Variants in SHISA9 observed in about 807,000 individuals in gnomAD.
The protein encoded by SHISA9 is protein shisa-9.
SHISA9 carries 13 observed loss-of-function variants against 38.0 expected under a neutral mutation model. The observed-to-expected ratio is 0.34, with a 90% CI of 0.22 to 0.54. The LOEUF (loss-of-function observed/expected upper bound fraction) is 0.54, where lower values mean the gene tolerates loss of function less well. SHISA9 is among the 20% of genes least tolerant of loss of function. SHISA9 has a pLI of 0.91. For missense variants in SHISA9, 538 were observed against 575.8 expected, an observed-to-expected ratio of 0.93 and a Z score of 0.67; for synonymous variants, 275 against 242.0, an observed-to-expected ratio of 1.14 and a Z score of -1.27.
At chr16:13,265,134 T>C in the SHISA9 span, among the ~76,000 whole-genome samples, 1 of 85,896 alleles carries the variant, frequency 1.2e-5, no homozygotes, top group African/African-American at 4.6e-5. Context: ...TCCCCTCCCC[T>C]TCCCTTCCCC....
intron 4 of SHISA9, among the ~76,000 whole-genome samples, chr16:13,228,344 T>C (rs995897016): frequency 2.0e-5 from 3 of 152,206 alleles, no homozygotes; most frequent in Admixed American, 1.3e-4. Context: ...AATGGGATTT[T>C]CCCCCCATCT....
chr16:13,479,124 C>T, the SHISA9 span, among the ~76,000 whole-genome samples: 28 of 152,090 alleles, frequency 1.8e-4, no homozygotes, highest in African/African-American at 6.8e-4. Flanking sequence ...GCTTATATTC[C>T]TCGGCTTATG....
intron 2 of SHISA9, among the ~76,000 whole-genome samples, chr16:13,139,458 TTC>T (rs1233098053): frequency 7.4e-6 from 1 of 134,822 alleles, no homozygotes; most frequent in Non-Finnish European, 1.6e-5. Context: ...CTCTCCCTCT[TTC>T]TCTCTCTCTC....
chr16:12,944,884 G>C (rs1297958498), intron 2 of SHISA9, among the ~76,000 whole-genome samples: 1 of 152,176 alleles, frequency 6.6e-6, no homozygotes, highest in Non-Finnish European at 1.5e-5. Context: ...AGGAAACACT[G>C]TTAGGTGAGC....
intron 2 of SHISA9, among the ~76,000 whole-genome samples, chr16:13,140,775 A>T (rs169442): frequency 0.34 from 51,825 of 152,010 alleles, 9,896 homozygotes; most frequent in African/African-American, 0.53. Context: ...GGAGGGTTTG[A>T]GGGGTCAGGA....
intron 2 of SHISA9, among the ~76,000 whole-genome samples, chr16:12,976,700 A>C (rs1192878754): frequency 6.6e-6 from 1 of 151,998 alleles, no homozygotes; most frequent in Non-Finnish European, 1.5e-5. Context: ...GCAGGGGGTA[A>C]GTAAGTAACA....
At position 13,203,500 on chromosome 16, in the gene SHISA9, G is replaced by T; in HGVS notation, c.798G>T (p.Gln266His). ...NLGQISNPYE[Q>H]QPPGKELNKY... is the part of the protein sequence containing the mutation. ...GCCAGATCTCCAACCCCTATGAACA[G>T]CAGCCACCAGGAAAAGAGCTCAACA... The change falls in exon 3 of 5, where the codon CAG becomes CAT. Residue 266 changes from glutamine (Q) to histidine (H), a missense_variant. Gln to His is a conservative substitution (Grantham distance 24). This residue lies in a region of SHISA9 where 326 missense variants were observed against 305.9 expected (regional missense o/e 1.07). Coordinates refer to ENST00000558583, the MANE Select transcript of SHISA9 (RefSeq NM_001145204.3). 1 of 1,548,096 alleles carries T rather than the reference G, an allele frequency of 6.5e-7. No individual in the cohort carries two copies. Among genetic ancestry groups the T allele is most frequent in the South Asian group, 1.2e-5 (1 of 83,598 alleles).
intron 2 of SHISA9, among the ~76,000 whole-genome samples, chr16:13,030,736 T>G (rs1335815918): frequency 3.3e-5 from 5 of 152,220 alleles, no homozygotes; most frequent in Non-Finnish European, 7.3e-5. Context: ...AAGGCTTTGA[T>G]GAATAAAATA....
At chr16:13,357,481 G>A in the SHISA9 span, among the ~76,000 whole-genome samples, 1 of 152,188 alleles carries the variant, frequency 6.6e-6, no homozygotes, top group African/African-American at 2.4e-5. Context: ...AGGACTTGAG[G>A]TCGTAGGTGG....
intron 2 of SHISA9, among the ~76,000 whole-genome samples, chr16:13,047,135 G>C (rs2073197033): frequency 6.6e-6 from 1 of 152,168 alleles, no homozygotes; most frequent in African/African-American, 2.4e-5. Flanking sequence ...GGTCTCCCCA[G>C]TTCTCAACTC....
the SHISA9 span, among the ~76,000 whole-genome samples, chr16:13,264,954 C>T: frequency 6.7e-6 from 1 of 148,942 alleles, no homozygotes; most frequent in South Asian, 2.2e-4. Flanking sequence ...CTCGTCTTCT[C>T]TTCCCTTCCC....
chr16:13,506,026 C>A, the SHISA9 span, among the ~76,000 whole-genome samples: 1 of 152,174 alleles, frequency 6.6e-6, no homozygotes, highest in South Asian at 2.1e-4. Flanking sequence ...CTCTCAGAGA[C>A]ACAAAGCCTT....
chr16:13,091,249 A>C (rs1217176248), intron 2 of SHISA9, among the ~76,000 whole-genome samples: 2 of 151,834 alleles, frequency 1.3e-5, no homozygotes, highest in African/African-American at 2.4e-5. Flanking sequence ...CTTCATTTCA[A>C]CCTTGGTGAA....
the SHISA9 span, among the ~76,000 whole-genome samples, chr16:13,344,171 A>T: frequency 6.6e-5 from 10 of 152,212 alleles, no homozygotes; most frequent in African/African-American, 2.4e-4. Context: ...AAATCACCCA[A>T]GAAACCCACT....
intron 4 of SHISA9, among the ~76,000 whole-genome samples, chr16:13,222,090 C>A (rs531544646): frequency 6.6e-6 from 1 of 152,152 alleles, no homozygotes; most frequent in Admixed American, 6.5e-5. Context: ...CAGGGGAACT[C>A]CCCATTATAA....
intron 2 of SHISA9, among the ~76,000 whole-genome samples, chr16:13,015,854 CTTTCTTTCTTTCTTTCTTTCTTTCTT>C (rs2072738640): frequency 6.6e-5 from 1 of 15,104 alleles, no homozygotes; most frequent in African/African-American, 4.8e-4. Flanking sequence ...CTTTCTTTCC[CTTTCTTTCTTTCTTTCTTTCTTTCTT>C]TCTTTCTTTC....
chr16:13,092,860 A>T (rs752356532), intron 2 of SHISA9, among the ~76,000 whole-genome samples: 4 of 152,168 alleles, frequency 2.6e-5, no homozygotes, highest in Non-Finnish European at 5.9e-5. Context: ...GAGACGAACC[A>T]GGTACCTCAG....
the SHISA9 span, among the ~76,000 whole-genome samples, chr16:13,455,745 A>T: frequency 6.6e-6 from 1 of 152,126 alleles, no homozygotes; most frequent in Non-Finnish European, 1.5e-5. Context: ...TCAGCTTTTT[A>T]GTGGATCTAA....
intron 2 of SHISA9, among the ~76,000 whole-genome samples, chr16:12,973,835 C>G (rs1156449442): frequency 6.6e-6 from 1 of 152,172 alleles, no homozygotes; most frequent in East Asian, 1.9e-4. Flanking sequence ...AGTTTTGCCA[C>G]TAATTGTCTG....
Sources: allele counts gnomAD v4.1 joint callset (sites outside exome capture counted in the v4.1 genomes callset), GRCh38; gene constraint gnomAD v4.1.1; regional missense constraint gnomAD v4.1.1; transcripts MANE v1.5; gene names NCBI Gene and HGNC (gene_info 2026-07-23, HGNC 2026-07-21).